Variants in CEP20 observed in about 807,000 individuals in gnomAD.
CEP20 encodes the protein FGFR1OP N-terminal like.
In CEP20, 18 loss-of-function variants were observed where a neutral mutation model predicts 20.0. The ratio of observed to expected loss-of-function variants is 0.90; its 90% CI spans 0.62 to 1.34. The LOEUF is 1.34. Ranked by LOEUF, CEP20 falls within the 40% of genes most tolerant of loss-of-function variation. The pLI is 0.00. For synonymous variants in CEP20, 77 were observed against 73.7 expected (o/e 1.04, Z -0.23); for missense variants, 215 against 201.6 (o/e 1.07, Z -0.40).
intron 4 of CEP20, among the ~76,000 whole-genome samples, chr16:15,873,073 A>AT (rs919167262): frequency 5.3e-5 from 8 of 151,562 alleles, no homozygotes; most frequent in South Asian, 2.1e-4. Flanking sequence ...AGTTTTCAGT[A>AT]TTTTTTTGTT....
chr16:15,877,842 G>T (rs1223802071), intron 3 of CEP20, among the ~76,000 whole-genome samples: 1 of 151,918 alleles, frequency 6.6e-6, no homozygotes, highest in Non-Finnish European at 1.5e-5. Flanking sequence ...ATCACTTGAG[G>T]CCAGGAGTTC....
intron 1 of CEP20, among the ~76,000 whole-genome samples, chr16:15,888,076 T>TA (rs60631057): frequency 0.037 from 4,828 of 130,748 alleles, 94 homozygotes; most frequent in Middle Eastern, 0.056. Context: ...ACCCTCTCTT[T>TA]AAAAAAAAAA....
intron 4 of CEP20, among the ~76,000 whole-genome samples, chr16:15,869,075 C>CAA (rs199826502): frequency 6.5e-4 from 87 of 134,032 alleles, no homozygotes; most frequent in Non-Finnish European, 9.4e-4. Context: ...CTCTTAAAAA[C>CAA]AAAAAAAAAA....
intron 4 of CEP20, among the ~76,000 whole-genome samples, chr16:15,869,894 T>A (rs554443169): frequency 6.6e-6 from 1 of 152,132 alleles, no homozygotes; most frequent in Admixed American, 6.5e-5. Flanking sequence ...ACCAAGAAAA[T>A]AATTTGCAAA....
intron 4 of CEP20, among the ~76,000 whole-genome samples, chr16:15,872,116 C>T (rs1480049108): frequency 6.6e-6 from 1 of 152,022 alleles, no homozygotes; most frequent in Non-Finnish European, 1.5e-5. Flanking sequence ...AGATCAAGAC[C>T]ATCCTGGCTA....
chr16:15,880,526 T>A (rs1199869906), intron 2 of CEP20, among the ~76,000 whole-genome samples: 1 of 152,116 alleles, frequency 6.6e-6, no homozygotes, highest in East Asian at 1.9e-4. Flanking sequence ...ATGAGCAAAC[T>A]AGCACAGCCA....
chr16:15,879,416 G>A (rs2045045638), intron 3 of CEP20, among the ~76,000 whole-genome samples: 1 of 152,154 alleles, frequency 6.6e-6, no homozygotes, highest in Admixed American at 6.6e-5. Flanking sequence ...GGGAGGCCAA[G>A]GCAGGAAGAT....
chr16:15,877,811 T>C (rs1048965233), intron 3 of CEP20, among the ~76,000 whole-genome samples: 1 of 150,528 alleles, frequency 6.6e-6, no homozygotes, highest in Non-Finnish European at 1.5e-5. Flanking sequence ...TCACAGCACT[T>C]TGGGAGGTGG....
intron 1 of CEP20, among the ~76,000 whole-genome samples, chr16:15,884,717 G>A (rs2045199896): frequency 6.6e-6 from 1 of 152,076 alleles, no homozygotes; most frequent in South Asian, 2.1e-4. Flanking sequence ...TGTTGGCCAG[G>A]ATGGTCTCAA....
intron 2 of CEP20, 116 bp from the exon 3 acceptor site, chr16:15,880,004 C>G: frequency 1.5e-6 from 1 of 684,890 alleles, no homozygotes; most frequent in Non-Finnish European, 2.5e-6. Context: ...AGAATGATGA[C>G]AACACACACC....
At chr16:15,886,905 G>GTTT (rs5815849) in intron 1 of CEP20, among the ~76,000 whole-genome samples, 5 of 144,276 alleles carry the variant, frequency 3.5e-5, no homozygotes, top group African/African-American at 2.5e-5. Flanking sequence ...TTTTTAATTT[G>GTTT]TTTTTTTTTT....
chr16:15,881,847 A>G (rs2045104969), intron 2 of CEP20, among the ~76,000 whole-genome samples: 1 of 152,112 alleles, frequency 6.6e-6, no homozygotes, highest in African/African-American at 2.4e-5. Flanking sequence ...GATAAAGGGA[A>G]TTTATCTTTA....
rs144729805 is a variant in CEP20 at position 15,870,290 on chromosome 16, G to C, written c.449-2774C>G. On this transcript the variant is annotated intron_variant, in intron 4 of 4. Coordinates refer to ENST00000255759, the MANE Select transcript of CEP20 (RefSeq NM_144600.4). ...TGGGACTGATAGTATCAATGACTTG[G>C]GGTTGCTGTGTTAAGAAGTGTTAAG... Among the ~76,000 whole-genome samples the C allele has an allele frequency of 2.6e-5, 4 of 152,156 alleles. No homozygotes were observed. In the East Asian group the frequency reaches 7.7e-4, roughly 29 times the overall value.
intron 4 of CEP20, among the ~76,000 whole-genome samples, chr16:15,872,293 G>A (rs147314954): frequency 3.3e-5 from 5 of 150,354 alleles, no homozygotes; most frequent in African/African-American, 7.4e-5. Flanking sequence ...TAGCCTGGGC[G>A]ACAGAGCGAG....
In CEP20 at chr16:15,888,542, C is replaced by T. The variant is rs1408121687; in HGVS notation, c.28+16G>A. 6.2e-7 allele frequency: 1 copy of T among 1,614,044 alleles called. No individual in the cohort carries two copies. Among genetic ancestry groups the T allele is most frequent in the East Asian group, 2.2e-5 (1 of 44,874 alleles). ...CCCGACGCTTCCCATGTGGAGGCCT[C>T]CCTGCTCGCACTCACCAGCCTTCAA... is the stretch of plus-strand genomic sequence containing the variant. On this transcript the variant is annotated intron_variant, in intron 1 of 4. Coordinates refer to ENST00000255759, the MANE Select transcript of CEP20 (RefSeq NM_144600.4).
At chr16:15,867,738 C>A (rs984517654) in intron 4 of CEP20, among the ~76,000 whole-genome samples, 1 of 152,008 alleles carries the variant, frequency 6.6e-6, no homozygotes, top group Non-Finnish European at 1.5e-5. Flanking sequence ...TTTGGGAGGC[C>A]GAGGTGGGTG....
In CEP20 at chr16:15,867,481, T is replaced by A; in HGVS notation, c.484A>T (p.Asn162Tyr). 6.2e-7 allele frequency: 1 copy of A among 1,605,344 alleles called. No individual in the cohort carries two copies. The highest frequency in any genetic ancestry group is 2.2e-5 in the East Asian group (1 of 44,642). The stretch of plus-strand genomic sequence containing the variant: ...TGAGAAACATGAAGATCTTCAATGT[T>A]AGTACTTTTCTGTTCCTCCTTTCTT... The part of the protein sequence containing the change: ...HLRKEEQKST[N>Y]IEDLHVSQAV... Residue 162 changes from asparagine (N) to tyrosine (Y), a missense_variant, in exon 5 of 5, where the codon AAC becomes TAC. Asn to Tyr is a moderately radical substitution (Grantham distance 143). Transcript: ENST00000255759.
chr16:15,878,790 C>T (rs1001172812), intron 3 of CEP20, among the ~76,000 whole-genome samples: 4 of 152,092 alleles, frequency 2.6e-5, no homozygotes, highest in Admixed American at 6.6e-5. Flanking sequence ...TGAGCCACCA[C>T]GTCTGGCTAG....
Position 15,867,472 on chromosome 16 carries a change from C to G in CEP20, c.493G>C (p.Asp165His). ...TTGACTGCCTGAGAAACATGAAGAT[C>G]TTCAATGTTAGTACTTTTCTGTTCC... ...KEEQKSTNIE[D>H]LHVSQAVNR Residue 165 changes from aspartate to histidine, a missense_variant, in exon 5 of 5, where the codon GAT becomes CAT. Asp to His is a moderately conservative substitution (Grantham distance 81, BLOSUM62 -1). Coordinates refer to ENST00000255759, the MANE Select transcript of CEP20 (RefSeq NM_144600.4). 1 of 1,603,368 alleles carries G rather than the reference C, an allele frequency of 6.2e-7. No individual in the cohort carries two copies. The highest frequency in any genetic ancestry group is 8.5e-7 in the Non-Finnish European group (1 of 1,173,104).
Sources: gnomAD v4.1 joint callset for allele counts (sites outside exome capture counted in the v4.1 genomes callset) on GRCh38, gnomAD v4.1.1 for gene constraint, MANE v1.5 for transcripts, NCBI Gene and HGNC (gene_info 2026-07-23, HGNC 2026-07-21) for gene names.